The following NLRP13 variants were observed in gnomAD, a reference collection of about 807,000 sequenced individuals.
NLRP13 encodes NACHT, LRR and PYD domains-containing protein 13.
A neutral mutation model predicts 94.4 loss-of-function variants in NLRP13; 82 were observed. The ratio of observed to expected loss-of-function variants is 0.87; its 90% CI spans 0.73 to 1.04. NLRP13 has a LOEUF of 1.04. Ranked by LOEUF, NLRP13 falls within the 50% of genes least tolerant of loss-of-function variation. The pLI is 0.00. For synonymous variants in NLRP13, 553 were observed against 464.7 expected (o/e 1.19, Z -2.45); for missense variants, 1,426 against 1,230.8 (o/e 1.16, Z -2.37).
At chr19:55,910,803 C>T (rs903695645) in intron 5 of NLRP13, 70 bp from the exon 6 acceptor site, 69 of 1,255,618 alleles carry the variant, frequency 5.5e-5, no homozygotes, top group Non-Finnish European at 4.6e-5. Context: ...ATACAACCTA[C>T]GGGACACAGA....
intron 10 of NLRP13, 139 bp from the exon 11 acceptor site, chr19:55,896,258 C>T: frequency 1.1e-6 from 1 of 892,234 alleles, no homozygotes; most frequent in Non-Finnish European, 1.7e-6. Flanking sequence ...GGCACAGTGG[C>T]TCACGCCTGT....
intron 9 of NLRP13, among the ~76,000 whole-genome samples, chr19:55,899,379 T>TA (rs1173370906): frequency 1.3e-5 from 2 of 152,070 alleles, no homozygotes; most frequent in Non-Finnish European, 2.9e-5. Context: ...TCCAGGTGAC[T>TA]ATTTGGAGAA....
rs771252865 is a variant in NLRP13, at chr19:55,896,130, G to A, written c.2958-11C>T. ...TTGCATTTCGCCAACCTAGGGGCGG[G>A]TGGGAAGAAAGCACAACAGATAGTC... On this transcript the variant is annotated splice_polypyrimidine_tract_variant and intron_variant, in intron 10 of 10. Transcript: ENST00000342929. The A allele has an allele frequency of 1.2e-6, 2 of 1,613,510 alleles. No homozygotes were observed. Among genetic ancestry groups the A allele is most frequent in the Admixed American group, 1.7e-5 (1 of 59,946 alleles).
chr19:55,908,415 T>C (rs542207237), intron 6 of NLRP13, among the ~76,000 whole-genome samples: 1 of 152,330 alleles, frequency 6.6e-6, no homozygotes, highest in South Asian at 2.1e-4. Flanking sequence ...CCAATCCCAT[T>C]ACTGGGTATA....
chr19:55,899,590 C>T (rs1600258586), intron 9 of NLRP13, among the ~76,000 whole-genome samples: 1 of 151,824 alleles, frequency 6.6e-6, no homozygotes, highest in African/African-American at 2.4e-5. Context: ...GACCAGCCTG[C>T]CCAACATGGT....
In NLRP13 at chr19:55,895,961, A is replaced by C. The variant is rs745776215; in HGVS notation, c.3116T>G (p.Leu1039Arg). The part of the protein sequence containing the change: ...CKALKKSTCR[L>R]QKLG The stretch of plus-strand genomic sequence containing the variant: ...CAGTGAGGTTTACCCGAGTTTCTGC[A>C]GCCTGCATGTCGACTTTTTCAAAGC... Residue 1039 changes from leucine to arginine, a missense_variant, in exon 11 of 11, where the codon CTG (leucine) becomes CGG (arginine). By Grantham distance (102) the Leu-to-Arg change is moderately radical. Transcript: ENST00000342929. 2 of 1,614,008 alleles carry C rather than the reference A, an allele frequency of 1.2e-6. No homozygotes were observed. Among genetic ancestry groups the C allele is most frequent in the South Asian group, 2.2e-5 (2 of 91,044 alleles).
intron 7 of NLRP13, among the ~76,000 whole-genome samples, chr19:55,906,572 T>TC (rs1192982433): frequency 1.3e-5 from 2 of 152,002 alleles, no homozygotes; most frequent in Non-Finnish European, 2.9e-5. Context: ...CGTGGAGGAC[T>TC]CCCTCAGGCT....
intron 10 of NLRP13, among the ~76,000 whole-genome samples, chr19:55,896,988 G>A (rs979475386): frequency 2.0e-5 from 3 of 152,046 alleles, no homozygotes; most frequent in Non-Finnish European, 4.4e-5. Flanking sequence ...AACTTAACCT[G>A]CCAGAATGTG....
At position 55,924,618 on chromosome 19, in the gene NLRP13, T is replaced by C; in HGVS notation, c.429A>G (p.Glu143=). Residue 143 remains glutamate (E), a synonymous_variant, in exon 3 of 11, where the codon GAA becomes GAG. Transcript: ENST00000342929. ...TTTCTTCTTCTAGCTCGTCTAGTTC[T>C]TCTTGGTTTGGATCTTGGCATCCCT... ...QTQGCQDPNQ[E]ELDELEEETG... is the part of the protein sequence containing the mutation. 1 of 1,613,828 alleles carries C rather than the reference T, an allele frequency of 6.2e-7. No homozygotes were observed. The highest frequency in any genetic ancestry group is 8.5e-7 in the Non-Finnish European group (1 of 1,179,806).
At chr19:55,931,968 C>T (rs201736825) in intron 1 of NLRP13, 25 bp downstream of exon 1, 11 of 1,607,970 alleles carry the variant, frequency 6.8e-6, no homozygotes, top group African/African-American at 1.3e-5. Context: ...GCAGCCCTCC[C>T]GCCTTCCTTC....
chr19:55,897,372 C>A (rs1204112023), intron 10 of NLRP13, among the ~76,000 whole-genome samples: 1 of 151,944 alleles, frequency 6.6e-6, no homozygotes, highest in East Asian at 1.9e-4. Flanking sequence ...TACAAAAAAA[C>A]AGATGGGTGT....
chr19:55,904,109 T>C (rs547565981), intron 8 of NLRP13, among the ~76,000 whole-genome samples: 62 of 152,294 alleles, frequency 4.1e-4, no homozygotes, highest in Middle Eastern at 6.8e-3. Flanking sequence ...TTCCAACCTT[T>C]TGAGATGGAG....
At chr19:55,924,245 C>G (rs539852674) in intron 3 of NLRP13, among the ~76,000 whole-genome samples, 1 of 152,282 alleles carries the variant, frequency 6.6e-6, no homozygotes, top group African/African-American at 2.4e-5. Context: ...GCCTCAGCCT[C>G]CTGAGTAGCT....
At chr19:55,923,234 CAG>C (rs1329462612) in intron 4 of NLRP13, among the ~76,000 whole-genome samples, 1 of 152,168 alleles carries the variant, frequency 6.6e-6, no homozygotes, top group African/African-American at 2.4e-5. Context: ...ACAGGAAAAA[CAG>C]AGAATCCCGT....
intron 1 of NLRP13, among the ~76,000 whole-genome samples, chr19:55,926,684 T>C (rs1274777115): frequency 9.2e-5 from 14 of 152,152 alleles, no homozygotes; most frequent in Admixed American, 9.2e-4. Flanking sequence ...CCTGTTCCCA[T>C]TGCATGTTAA....
chr19:55,916,680 T>C (rs1226556494), intron 4 of NLRP13, among the ~76,000 whole-genome samples: 1 of 152,102 alleles, frequency 6.6e-6, no homozygotes, highest in Non-Finnish European at 1.5e-5. Flanking sequence ...TAAACAGGAT[T>C]TTAAGAAAAT....
intron 8 of NLRP13, among the ~76,000 whole-genome samples, chr19:55,902,864 C>T (rs949970324): frequency 6.8e-6 from 1 of 147,310 alleles, no homozygotes; most frequent in Non-Finnish European, 1.5e-5. Flanking sequence ...ATACATATAT[C>T]ATAATGTAAA....
At chr19:55,900,521 C>A (rs1243398123) in intron 9 of NLRP13, among the ~76,000 whole-genome samples, 3 of 151,312 alleles carry the variant, frequency 2.0e-5, no homozygotes, top group Non-Finnish European at 4.4e-5. Flanking sequence ...CCTGTAATCC[C>A]AGCACTTTGG....
chr19:55,909,407 C>T (rs946388031), intron 6 of NLRP13, among the ~76,000 whole-genome samples: 1 of 152,090 alleles, frequency 6.6e-6, no homozygotes, highest in African/African-American at 2.4e-5. Flanking sequence ...TACTTTTTCC[C>T]TTTTCTGCAG....
Sources: allele counts gnomAD v4.1 joint callset (sites outside exome capture counted in the v4.1 genomes callset), GRCh38; gene constraint gnomAD v4.1.1; transcripts MANE v1.5; gene names NCBI Gene and HGNC (gene_info 2026-07-23, HGNC 2026-07-21).